Variants in FAM193A observed in about 807,000 individuals in gnomAD.
FAM193A encodes the protein protein FAM193A.
A neutral mutation model predicts 126.5 loss-of-function variants in FAM193A; 22 were observed. The ratio of observed to expected loss-of-function variants is 0.17; its 90% confidence interval spans 0.12 to 0.25. The LOEUF (loss-of-function observed/expected upper bound fraction) is 0.25, where lower values mean the gene tolerates loss of function less well. Among genes scored for constraint, FAM193A ranks in the 10% least tolerant of loss-of-function variants. The probability of loss-of-function intolerance (pLI) is 1.00; values close to 1 mark genes in which losing one functional copy is unlikely to be tolerated. For synonymous variants in FAM193A, 761 were observed against 646.8 expected (o/e 1.18, Z -2.68); for missense variants, 1,675 against 1,672.8 (o/e 1.00, Z -0.02).
At chr4:2,557,078 C>T (rs1282761120) in intron 1 of FAM193A, among the ~76,000 whole-genome samples, 2 of 152,004 alleles carry the variant, frequency 1.3e-5, no homozygotes, top group Admixed American at 6.6e-5. Context: ...TATGTTTTTC[C>T]TATATATAGT....
At chr4:2,681,503 T>G (rs767488250) in intron 13 of FAM193A, among the ~76,000 whole-genome samples, 9 of 152,122 alleles carry the variant, frequency 5.9e-5, no homozygotes, top group Non-Finnish European at 1.3e-4. Flanking sequence ...CAGCCTGGAG[T>G]GTAGTGGTGC....
chr4:2,600,309 C>T (rs963253454), intron 2 of FAM193A, among the ~76,000 whole-genome samples: 1 of 152,210 alleles, frequency 6.6e-6, no homozygotes, highest in African/African-American at 2.4e-5. Flanking sequence ...CCGGACTTGG[C>T]ACTGTGGCTC....
chr4:2,594,442 A>G (rs1351644774), intron 1 of FAM193A, among the ~76,000 whole-genome samples: 1 of 152,216 alleles, frequency 6.6e-6, no homozygotes, highest in African/African-American at 2.4e-5. Context: ...AAGCCAGAAC[A>G]GCGTCAGCTG....
rs80042766 is a variant in FAM193A, at chr4:2,584,519, A to C, written c.256-11565A>C. On this transcript the variant is annotated intron_variant, in intron 1 of 20. Transcript: ENST00000637812. ...AAGTAATGTACAGGTTTGCAAATTA[A>C]TTTGACCCCTGGTATAAGCACCATT... Among the ~76,000 whole-genome samples, 39 of 152,270 alleles carry C rather than the reference A, an allele frequency of 2.6e-4. 1 individual carries two copies. The East Asian group carries it at 7.3e-3, about 29-fold the overall frequency.
Position 2,672,308 on chromosome 4 carries a change from C to G in FAM193A, c.2267C>G (p.Pro756Arg). ...GGACATGTGCCTTTGCACACTGTTC[C>G]ACACCTGCCACGCCCTCTCATCCAC... ...IHGHVPLHTV[P>R]HLPRPLIHPT... The change falls in exon 13 of 21, where the codon CCA becomes CGA. Residue 756 changes from proline to arginine, a missense_variant. This residue lies in a region of FAM193A where 1,186 missense variants were observed against 1,109.2 expected (regional missense o/e 1.07). Coordinates refer to ENST00000637812, the MANE Select transcript of FAM193A (RefSeq NM_001366318.2). 1 of 1,614,196 alleles carries G rather than the reference C, an allele frequency of 6.2e-7. No homozygotes were observed. Among genetic ancestry groups the G allele is most frequent in the Non-Finnish European group, 8.5e-7 (1 of 1,180,034 alleles).
At chr4:2,561,115 G>A (rs1738588150) in intron 1 of FAM193A, among the ~76,000 whole-genome samples, 1 of 152,180 alleles carries the variant, frequency 6.6e-6, no homozygotes, top group Non-Finnish European at 1.5e-5. Context: ...CTTGCTGTAG[G>A]TTATTCTATG....
intron 19 of FAM193A, among the ~76,000 whole-genome samples, chr4:2,702,940 C>G (rs1443100661): frequency 6.6e-6 from 1 of 152,096 alleles, no homozygotes; most frequent in Non-Finnish European, 1.5e-5. Context: ...CATTTGTGTT[C>G]CATTTGTTTT....
chr4:2,724,814 A>G (rs919598824), intron 20 of FAM193A, among the ~76,000 whole-genome samples: 4 of 152,224 alleles, frequency 2.6e-5, no homozygotes, highest in Non-Finnish European at 5.9e-5. Context: ...GAGAAAGTGC[A>G]TATCGTTATC....
rs776889162 is a variant in FAM193A at position 2,657,770 on chromosome 4, C to G, written c.1312-33C>G. The G allele has an allele frequency of 3.4e-6, 5 of 1,489,316 alleles. No homozygotes were observed. In the South Asian group the frequency reaches 6.1e-5, roughly 18 times the overall value. The allele number at this position is 1,489,316 out of a possible 1,614,324, so 92.3% of individuals were successfully genotyped here. ...AATTGTCGCAGGTATTAAAGTTTTT[C>G]TTTTTTTTCTGTTTTTTACATCCCC... On this transcript the variant is annotated intron_variant, in intron 7 of 20. Coordinates refer to ENST00000637812, the MANE Select transcript of FAM193A (RefSeq NM_001366318.2).
chr4:2,605,141 T>C (rs891946677), intron 2 of FAM193A, among the ~76,000 whole-genome samples: 5 of 152,032 alleles, frequency 3.3e-5, no homozygotes, highest in Admixed American at 3.3e-4. Flanking sequence ...AAATCAATCC[T>C]CATCACTTAC....
rs569260972 is a variant in FAM193A at position 2,549,554 on chromosome 4, G to T, written c.255+12384G>T. Among the ~76,000 whole-genome samples, 22 of 140,954 alleles carry T rather than the reference G, an allele frequency of 1.6e-4. No homozygotes were observed. In the East Asian group the frequency reaches 4.7e-3, roughly 30 times the overall value. The allele number at this position is 140,954 out of a possible 152,430, so 92.5% of individuals were successfully genotyped here. A position where few individuals can be genotyped will look rare whatever the true frequency, so the allele number is the denominator to read the frequency against. On this transcript the variant is annotated intron_variant, in intron 1 of 20. Transcript: ENST00000637812. The stretch of plus-strand genomic sequence containing the variant: ...TGGGACTACAGGCGCCCGCCACTAC[G>T]CTCGGCTAATTTTTTGTATTTTTAG...
intron 20 of FAM193A, among the ~76,000 whole-genome samples, chr4:2,722,909 A>C (rs1720315742): frequency 6.6e-6 from 1 of 152,132 alleles, no homozygotes; most frequent in African/African-American, 2.4e-5. Flanking sequence ...AGGATTCTCA[A>C]ACCTTCCAGA....
chr4:2,721,802 A>G (rs1323493643), intron 20 of FAM193A, among the ~76,000 whole-genome samples: 1 of 152,224 alleles, frequency 6.6e-6, no homozygotes, highest in Non-Finnish European at 1.5e-5. Flanking sequence ...TGTGTGCACG[A>G]CTAGAGGTTC....
At chr4:2,727,177 T>C (rs1720853144) in intron 20 of FAM193A, among the ~76,000 whole-genome samples, 1 of 152,094 alleles carries the variant, frequency 6.6e-6, no homozygotes, top group South Asian at 2.1e-4. Context: ...GAGAATCGCT[T>C]GAACCCCGGA....
chr4:2,718,852 A>T (rs1719816199), intron 20 of FAM193A, among the ~76,000 whole-genome samples: 1 of 152,224 alleles, frequency 6.6e-6, no homozygotes, highest in South Asian at 2.1e-4. Context: ...AAAACTATGA[A>T]ATGCAAAATC....
intron 5 of FAM193A, among the ~76,000 whole-genome samples, chr4:2,638,518 C>T (rs528927991): frequency 7.2e-5 from 11 of 152,208 alleles, no homozygotes; most frequent in African/African-American, 2.4e-4. Context: ...GGTGAAAACA[C>T]GATGAGGAAA....
chr4:2,578,182 C>T (rs867141617), intron 1 of FAM193A, among the ~76,000 whole-genome samples: 1 of 152,190 alleles, frequency 6.6e-6, no homozygotes, highest in Non-Finnish European at 1.5e-5. Flanking sequence ...TTTCCCACCT[C>T]AGCCTCCTTG....
chr4:2,659,104 G>A (rs879669487), intron 8 of FAM193A, among the ~76,000 whole-genome samples: 3 of 152,146 alleles, frequency 2.0e-5, no homozygotes, highest in African/African-American at 7.2e-5. Flanking sequence ...TTGCCAGAGT[G>A]GGTCCAGAGT....
At chr4:2,547,407 T>TAAC (rs1277955485) in intron 1 of FAM193A, among the ~76,000 whole-genome samples, 1 of 151,808 alleles carries the variant, frequency 6.6e-6, no homozygotes, top group Non-Finnish European at 1.5e-5. Flanking sequence ...AAAATAATAA[T>TAAC]AACAATAATA....
Sources: allele counts gnomAD v4.1 joint callset (sites outside exome capture counted in the v4.1 genomes callset), GRCh38; gene constraint gnomAD v4.1.1; regional missense constraint gnomAD v4.1.1; transcripts MANE v1.5; gene names NCBI Gene and HGNC (gene_info 2026-07-23, HGNC 2026-07-21).